The following SRGAP3 variants were observed in gnomAD, a reference collection of about 807,000 sequenced individuals.
The protein encoded by SRGAP3 is SLIT-ROBO Rho GTPase-activating protein 3.
A neutral mutation model predicts 121.1 loss-of-function variants in SRGAP3; 39 were observed. That is an observed-to-expected ratio of 0.32 (90% CI 0.25 to 0.42). SRGAP3 has a LOEUF of 0.42. Ranked by LOEUF, SRGAP3 falls within the 10% of genes least tolerant of loss-of-function variation. The pLI, the probability that SRGAP3 is intolerant of heterozygous loss-of-function variation, is 1.00. For synonymous variants in SRGAP3, 601 were observed against 570.0 expected (o/e 1.05, Z -0.77); for missense variants, 1,213 against 1,470.6 (o/e 0.82, Z 2.86).
At chr3:9,212,007 C>T (rs916878028) in intron 1 of SRGAP3, among the ~76,000 whole-genome samples, 3 of 151,978 alleles carry the variant, frequency 2.0e-5, no homozygotes, top group Non-Finnish European at 4.4e-5. Flanking sequence ...TGAGCTCAGA[C>T]CCTGGCAGTT....
At chr3:9,039,873 CCA>C (rs1944937646) in intron 10 of SRGAP3, among the ~76,000 whole-genome samples, 1 of 152,178 alleles carries the variant, frequency 6.6e-6, no homozygotes, top group Admixed American at 6.5e-5. Flanking sequence ...TTTTCTTTAT[CCA>C]CTCAACACAA....
At chr3:9,115,171 A>G (rs1948760505) in intron 2 of SRGAP3, among the ~76,000 whole-genome samples, 1 of 152,118 alleles carries the variant, frequency 6.6e-6, no homozygotes, top group Non-Finnish European at 1.5e-5. Context: ...TCCCTTGCCT[A>G]TCAGTTGGGG....
chr3:9,042,972 T>C (rs2125126223), intron 10 of SRGAP3, among the ~76,000 whole-genome samples: 1 of 152,284 alleles, frequency 6.6e-6, no homozygotes, highest in African/African-American at 2.4e-5. Flanking sequence ...TTCCCTGGTT[T>C]TTCACTTGGC....
chr3:9,111,883 G>C (rs922561065), intron 2 of SRGAP3, among the ~76,000 whole-genome samples: 2 of 152,188 alleles, frequency 1.3e-5, no homozygotes, highest in African/African-American at 4.8e-5. Flanking sequence ...AGAAGCTGCT[G>C]AACTAAGACA....
At chr3:9,036,274 T>C (rs1401089620) in intron 11 of SRGAP3, 1 of 152,188 alleles carries the variant, frequency 6.6e-6, no homozygotes. Context: ...TGGGAGTCCA[T>C]GGAAGATACA....
intron 7 of SRGAP3, 106 bp from the exon 8 acceptor site, chr3:9,056,440 G>A: frequency 8.1e-7 from 1 of 1,241,116 alleles, no homozygotes; most frequent in South Asian, 1.3e-5. Context: ...CCAGGAAACA[G>A]GGGCTCGGAA....
Position 9,218,014 on chromosome 3 carries a change from C to T in SRGAP3, c.67+30871G>A, listed in dbSNP as rs1302899828. ...GAAAAAGCTAACACAACCTTTAAGC[C>T]GCATTAACAGGATCAAGGGATGTAT... On this transcript the variant is annotated intron_variant, in intron 1 of 21. Coordinates refer to ENST00000383836, the MANE Select transcript of SRGAP3 (RefSeq NM_014850.4). The surrounding 1 kb of genome is among the most constrained non-coding windows in gnomAD (Gnocchi z 5.3). 1.3e-5 allele frequency: 2 copies of T among 152,194 alleles called. No individual in the cohort carries two copies. The highest frequency in any genetic ancestry group is 2.9e-5 in the Non-Finnish European group (2 of 68,050). 9.4% of individuals were successfully genotyped at this position (152,194 alleles called of 1,614,324 possible).
intron 4 of SRGAP3, among the ~76,000 whole-genome samples, chr3:9,077,121 C>T (rs868285252): frequency 1.3e-5 from 2 of 149,728 alleles, no homozygotes; most frequent in Non-Finnish European, 3.0e-5. Flanking sequence ...CAGTCCCCCA[C>T]CCCCTCCCCC....
chr3:9,058,169 G>C, intron 7 of SRGAP3, 82 bp downstream of exon 7: 2 of 1,471,398 alleles, frequency 1.4e-6, no homozygotes, highest in Non-Finnish European at 1.9e-6. Flanking sequence ...CTTTCTGTAC[G>C]TGCAACCAGG....
chr3:9,158,701 A>G (rs1950506981), intron 1 of SRGAP3, among the ~76,000 whole-genome samples: 1 of 152,170 alleles, frequency 6.6e-6, no homozygotes, highest in African/African-American at 2.4e-5. Context: ...GGGAAAGCAC[A>G]GAATCTCAGA....
intron 1 of SRGAP3, among the ~76,000 whole-genome samples, chr3:9,339,948 A>C (rs1955754536): frequency 1.3e-5 from 2 of 152,212 alleles, no homozygotes; most frequent in Admixed American, 1.3e-4. Context: ...CAGGATCATT[A>C]TCACCAGAGG....
At chr3:9,300,505 G>A (rs1165344492) in intron 3 of SRGAP3, among the ~76,000 whole-genome samples, 6 of 151,888 alleles carry the variant, frequency 4.0e-5, no homozygotes, top group Non-Finnish European at 8.8e-5. Context: ...TCCCATCTTT[G>A]CCACCTGTGT....
intron 3 of SRGAP3, among the ~76,000 whole-genome samples, chr3:9,284,210 T>G (rs898357121): frequency 2.0e-4 from 30 of 152,148 alleles, no homozygotes; most frequent in African/African-American, 6.3e-4. Flanking sequence ...ACCATCCTAC[T>G]TCGGTATGCC....
At chr3:9,103,622 C>T (rs1948301188) in intron 3 of SRGAP3, among the ~76,000 whole-genome samples, 1 of 152,220 alleles carries the variant, frequency 6.6e-6, no homozygotes, top group South Asian at 2.1e-4. Context: ...TAATGCCACT[C>T]TCCCCGCACA....
intron 3 of SRGAP3, among the ~76,000 whole-genome samples, chr3:9,281,139 A>T (rs1029231810): frequency 3.3e-5 from 5 of 152,126 alleles, no homozygotes; most frequent in Admixed American, 6.5e-5. Flanking sequence ...TCACTCTCCA[A>T]CCACAAAGCC....
At chr3:9,209,379 T>C (rs561851151) in intron 1 of SRGAP3, among the ~76,000 whole-genome samples, 1 of 152,146 alleles carries the variant, frequency 6.6e-6, no homozygotes, top group Non-Finnish European at 1.5e-5. Context: ...AACAACCCAA[T>C]ACAAAATTAA....
chr3:9,133,793 T>C (rs1004934512), intron 1 of SRGAP3, among the ~76,000 whole-genome samples: 18 of 152,230 alleles, frequency 1.2e-4, no homozygotes, highest in African/African-American at 4.3e-4. Context: ...TATACTACGA[T>C]GAAAACTTTA....
At chr3:9,194,424 T>C (rs1238338806) in intron 1 of SRGAP3, 2 of 152,318 alleles carry the variant, frequency 1.3e-5, no homozygotes, top group East Asian at 3.9e-4. Flanking sequence ...TTCTATTCAG[T>C]AGGTGCTCAA....
chr3:8,993,466 G>A (rs1942197617), intron 19 of SRGAP3, among the ~76,000 whole-genome samples: 2 of 152,218 alleles, frequency 1.3e-5, no homozygotes, highest in African/African-American at 4.8e-5. Context: ...AAGGGAGGAA[G>A]AAGCTGCCTC....
Sources: allele counts gnomAD v4.1 joint callset (sites outside exome capture counted in the v4.1 genomes callset), GRCh38; gene constraint gnomAD v4.1.1; non-coding constraint Gnocchi (gnomAD v3.1); transcripts MANE v1.5; gene names NCBI Gene and HGNC (gene_info 2026-07-23, HGNC 2026-07-21).